CDADC1: variants seen among roughly 807,000 people sequenced by gnomAD.
CDADC1 encodes the protein dCTP deaminase.
CDADC1 carries 39 observed loss-of-function variants against 54.9 expected under a neutral mutation model. The observed-to-expected ratio is 0.71, with a 90% CI of 0.55 to 0.93. CDADC1 has a LOEUF of 0.93. Among genes scored for constraint, CDADC1 ranks in the 40% least tolerant of loss-of-function variants. The pLI is 0.00. For synonymous variants in CDADC1, 186 were observed against 204.0 expected, an observed-to-expected ratio of 0.91 and a Z score of 0.75; for missense variants, 518 against 618.8, an observed-to-expected ratio of 0.84 and a Z score of 1.73.
At chr13:49,259,764 T>C (rs1198579314) in intron 4 of CDADC1, among the ~76,000 whole-genome samples, 1 of 152,034 alleles carries the variant, frequency 6.6e-6, no homozygotes, top group Non-Finnish European at 1.5e-5. Context: ...GGAGGATTGC[T>C]TGAGCCCAGG....
intron 6 of CDADC1, among the ~76,000 whole-genome samples, chr13:49,277,281 G>A (rs187786827): frequency 6.6e-6 from 1 of 151,790 alleles, no homozygotes; most frequent in East Asian, 1.9e-4. Context: ...GACAATCCTG[G>A]GCATCATGGT....
intron 9 of CDADC1, among the ~76,000 whole-genome samples, chr13:49,286,568 A>G (rs1256606499): frequency 2.0e-5 from 3 of 152,228 alleles, no homozygotes; most frequent in Admixed American, 2.0e-4. Context: ...GTAAACAGCA[A>G]TGCTCTTCTA....
intron 3 of CDADC1, among the ~76,000 whole-genome samples, chr13:49,257,284 G>A (rs917006015): frequency 6.6e-6 from 1 of 152,118 alleles, no homozygotes; most frequent in Non-Finnish European, 1.5e-5. Context: ...AAGTTGATGA[G>A]TGTGCTTCTC....
At position 49,278,345 on chromosome 13, in the gene CDADC1, C is replaced by T. The variant is rs776400791; in HGVS notation, c.1051-5C>T. On this transcript the variant is annotated splice_region_variant and splice_polypyrimidine_tract_variant and intron_variant, in intron 6 of 9. Coordinates refer to ENST00000251108, the MANE Select transcript of CDADC1 (RefSeq NM_030911.4). The stretch of plus-strand genomic sequence containing the variant: ...AACTAACCATTGGTTTGCTCACTCT[C>T]GTAGAGAAGTTGTGATGGAACAGGT... 13 of 1,523,966 alleles carry T rather than the reference C, an allele frequency of 8.5e-6. No homozygotes were observed. The highest frequency in any genetic ancestry group is 5.5e-5 in the African/African-American group (4 of 73,182). 94.4% of individuals were successfully genotyped at this position (1,523,966 alleles called of 1,614,324 possible).
rs7993195 is a variant in CDADC1 at position 49,293,126 on chromosome 13, C to A, written c.*1369C>A. 0.17 allele frequency: 27,106 copies of A among 155,478 alleles called. 2,530 individuals are homozygous for A. Among genetic ancestry groups the A allele is most frequent in the Non-Finnish European group, 0.18 (12,888 of 70,102 alleles). The allele number at this position is 155,478 out of a possible 1,614,324, so 9.6% of individuals were successfully genotyped here. A position where few individuals can be genotyped will look rare whatever the true frequency, so the allele number is the denominator to read the frequency against. On this transcript the variant is annotated 3_prime_UTR_variant, in exon 10 of 10. Transcript: ENST00000251108. ...TTTGAAAACCGTGAATTAAGATATTCTTATCAGTATAAAAACACTGAGATT... is the reference window on the plus strand; with the variant it reads ...TTTGAAAACCGTGAATTAAGATATTATTATCAGTATAAAAACACTGAGATT...
intron 4 of CDADC1, chr13:49,265,731 C>T: frequency 7.5e-5 from 28 of 372,004 alleles, no homozygotes; most frequent in South Asian, 2.6e-4. Context: ...AGATATATTC[C>T]ACATAAATAA....
At chr13:49,249,924 T>C (rs1403097685) in intron 2 of CDADC1, among the ~76,000 whole-genome samples, 1 of 152,160 alleles carries the variant, frequency 6.6e-6, no homozygotes, top group Non-Finnish European at 1.5e-5. Flanking sequence ...TTTTGGAAGC[T>C]TAGGGTGTTG....
chr13:49,253,266 T>A (rs1192961819), intron 2 of CDADC1, among the ~76,000 whole-genome samples: 2 of 152,366 alleles, frequency 1.3e-5, no homozygotes, highest in African/African-American at 4.8e-5. Context: ...AAGAAAAATT[T>A]TATCATAATT....
intron 4 of CDADC1, among the ~76,000 whole-genome samples, chr13:49,262,483 T>C (rs2138209827): frequency 6.6e-6 from 1 of 152,126 alleles, no homozygotes; most frequent in Non-Finnish European, 1.5e-5. Context: ...TTCATACTAA[T>C]GGTACCAAAA....
At chr13:49,280,340 A>G (rs1055750128) in intron 7 of CDADC1, among the ~76,000 whole-genome samples, 169 bp from the exon 8 acceptor site, 3 of 152,234 alleles carry the variant, frequency 2.0e-5, no homozygotes, top group Admixed American at 6.5e-5. Flanking sequence ...GTGGGTTTAC[A>G]TACTTTGAAC....
At chr13:49,268,626 CTG>C (rs1458186844) in intron 5 of CDADC1, among the ~76,000 whole-genome samples, 1 of 152,098 alleles carries the variant, frequency 6.6e-6, no homozygotes, top group Non-Finnish European at 1.5e-5. Context: ...AATAGCACCA[CTG>C]TACTCCAGCT....
intron 5 of CDADC1, among the ~76,000 whole-genome samples, chr13:49,268,562 G>A (rs1256149594): frequency 6.6e-6 from 1 of 152,112 alleles, no homozygotes; most frequent in Non-Finnish European, 1.5e-5. Flanking sequence ...CTACTTGGGA[G>A]GCTAAAGCAG....
chr13:49,258,242 C>G (rs1219627001), intron 3 of CDADC1, among the ~76,000 whole-genome samples: 1 of 152,152 alleles, frequency 6.6e-6, no homozygotes, highest in African/African-American at 2.4e-5. Context: ...TTCAGATATG[C>G]TGTATTGGGG....
At chr13:49,279,964 C>T (rs941257324) in intron 7 of CDADC1, among the ~76,000 whole-genome samples, 12 of 152,094 alleles carry the variant, frequency 7.9e-5, no homozygotes, top group African/African-American at 2.9e-4. Flanking sequence ...TAAAATTATC[C>T]TATGATAGGG....
intron 5 of CDADC1, among the ~76,000 whole-genome samples, chr13:49,270,287 A>T (rs1297186932): frequency 1.3e-5 from 2 of 152,108 alleles, no homozygotes; most frequent in South Asian, 4.1e-4. Context: ...AGTGGCACTC[A>T]TGGCTCACTG....
rs1469378162 is a variant in CDADC1, at chr13:49,268,055, A to G, written c.996A>G (p.Arg332=). The G allele has an allele frequency of 2.5e-6, 4 of 1,607,800 alleles. 1 individual carries two copies. In the South Asian group the frequency reaches 4.4e-5, roughly 18 times the overall value. The change falls in exon 5 of 10, where the codon CGA becomes CGG. Residue 332 remains arginine, a synonymous_variant. Coordinates refer to ENST00000251108, the MANE Select transcript of CDADC1 (RefSeq NM_030911.4). The part of the protein sequence containing the change: ...CMVQARLLAY[R]TEDHKTGVGA... The stretch of plus-strand genomic sequence containing the variant: ...TTCAGGCCAGGTTATTGGCATATCG[A>G]ACTGGTGAGTTACATAGATCGTAAA...
At chr13:49,272,517 C>T (rs1468409874) in intron 5 of CDADC1, among the ~76,000 whole-genome samples, 2 of 152,174 alleles carry the variant, frequency 1.3e-5, no homozygotes, top group African/African-American at 4.8e-5. Flanking sequence ...TTCCTTGTTG[C>T]TGTTCTCCTT....
intron 7 of CDADC1, 117 bp downstream of exon 7, chr13:49,278,636 G>A (rs1443902084): frequency 1.2e-6 from 1 of 838,608 alleles, no homozygotes; most frequent in Non-Finnish European, 1.8e-6. Flanking sequence ...TTTCCTTTCA[G>A]AAGTATAACT....
chr13:49,292,499 T>G lies in CDADC1; in HGVS notation c.*742T>G. 1 of 1,037,044 alleles carries G rather than the reference T, an allele frequency of 9.6e-7. No homozygotes were observed. Among genetic ancestry groups the G allele is most frequent in the Non-Finnish European group, 1.2e-6 (1 of 861,030 alleles). The allele number at this position is 1,037,044 out of a possible 1,614,324, so 64.2% of individuals were successfully genotyped here. On this transcript the variant is annotated 3_prime_UTR_variant, in exon 10 of 10. Coordinates refer to ENST00000251108, the MANE Select transcript of CDADC1 (RefSeq NM_030911.4). ...AGAAGAAATATTTGAGTCTGGAATATTGAAACTAGCTTTCCTAGAATTCCA... is the reference window on the plus strand; with the variant it reads ...AGAAGAAATATTTGAGTCTGGAATAGTGAAACTAGCTTTCCTAGAATTCCA...
Sources: gnomAD v4.1 joint callset for allele counts (sites outside exome capture counted in the v4.1 genomes callset) on GRCh38, gnomAD v4.1.1 for gene constraint, MANE v1.5 for transcripts, NCBI Gene and HGNC (gene_info 2026-07-23, HGNC 2026-07-21) for gene names.